PTPRA: variants seen among roughly 807,000 people sequenced by gnomAD.
PTPRA encodes receptor-type tyrosine-protein phosphatase alpha.
A neutral mutation model predicts 104.8 loss-of-function variants in PTPRA; 25 were observed. The observed-to-expected ratio is 0.24, with a 90% confidence interval of 0.17 to 0.33. The LOEUF is 0.33. PTPRA is among the 10% of genes least tolerant of loss of function. PTPRA has a pLI of 1.00. For synonymous variants in PTPRA, 323 were observed against 368.9 expected, an observed-to-expected ratio of 0.88 and a Z score of 1.43; for missense variants, 765 against 1,015.3, an observed-to-expected ratio of 0.75 and a Z score of 3.35.
At chr20:2,960,217 C>G (rs2061697348) in intron 3 of PTPRA, among the ~76,000 whole-genome samples, 1 of 151,848 alleles carries the variant, frequency 6.6e-6, no homozygotes, top group Admixed American at 6.6e-5. Context: ...CTGCTTACTC[C>G]TCTCTCCCTT....
intron 13 of PTPRA, among the ~76,000 whole-genome samples, chr20:3,018,578 T>A (rs1178019): frequency 0.64 from 96,229 of 150,782 alleles, 32,817 homozygotes; most frequent in East Asian, 0.88. Context: ...AGGCAGAAGA[T>A]TTTTTCTTAG....
At chr20:2,992,940 C>T (rs777343120) in intron 9 of PTPRA, among the ~76,000 whole-genome samples, 13 of 152,204 alleles carry the variant, frequency 8.5e-5, no homozygotes, top group Non-Finnish European at 1.3e-4. Context: ...AAAAAATTAG[C>T]TGGGCATGGT....
At position 2,935,828 on chromosome 20, in the gene PTPRA, G is replaced by A. The variant is rs527262295; in HGVS notation, c.-49-12154G>A. On this transcript the variant is annotated intron_variant, in intron 2 of 23. Transcript: ENST00000399903. ...TCAGGAGTTTGACACTAGCCTGACT[G>A]CCATGGTAAAACCCCATCTCTACTA... 3.6e-3 allele frequency among the ~76,000 whole-genome samples: 544 copies of A among 152,214 alleles called. 4 individuals carry two copies. The highest frequency in any genetic ancestry group is 4.4e-3 in the Non-Finnish European group (296 of 68,000).
chr20:3,036,831 A>G (rs1475920708), intron 22 of PTPRA, among the ~76,000 whole-genome samples: 2 of 152,198 alleles, frequency 1.3e-5, no homozygotes, highest in Non-Finnish European at 1.5e-5. Flanking sequence ...GACTAGAGCT[A>G]GTTCTAACTG....
rs528265491 is a variant in PTPRA at position 3,013,703 on chromosome 20, G to A, written c.907-2146G>A. On this transcript the variant is annotated intron_variant, in intron 11 of 23. Coordinates refer to ENST00000399903, the MANE Select transcript of PTPRA (RefSeq NM_001385305.1). ...TGGGATTAGAGGCATGAGCCACCGC[G>A]CCCAGCCTAGAATATATAGGATCTT... Among the ~76,000 whole-genome samples, 251 of 152,118 alleles carry A rather than the reference G, an allele frequency of 1.7e-3. 1 individual carries two copies. The highest frequency in any genetic ancestry group is 5.6e-3 in the African/African-American group (231 of 41,490).
intron 2 of PTPRA, among the ~76,000 whole-genome samples, chr20:2,923,594 T>C (rs540914726): frequency 1.3e-5 from 2 of 149,756 alleles, no homozygotes; most frequent in Admixed American, 6.7e-5. Context: ...AGGTCAGGAG[T>C]TCAAGACCAG....
Position 2,912,565 on chromosome 20 carries a change from AG to A in PTPRA, c.-128-10641del, listed in dbSNP as rs1211759624. Among the ~76,000 whole-genome samples the A allele has an allele frequency of 1.1e-4, 17 of 152,200 alleles. 1 individual carries two copies. The East Asian group carries it at 3.3e-3, about 30-fold the overall frequency. ...CTTAAGTCCAGGAGGTGGAGGTTGAAGTGAGCTGAGATCGCACCTCTGCACT... is the reference window on the plus strand; with the variant it reads ...CTTAAGTCCAGGAGGTGGAGGTTGAATGAGCTGAGATCGCACCTCTGCACT... On this transcript the variant is annotated intron_variant, in intron 1 of 23. Coordinates refer to ENST00000399903, the MANE Select transcript of PTPRA (RefSeq NM_001385305.1).
At chr20:3,029,390 C>G (rs2065309471) in intron 20 of PTPRA, among the ~76,000 whole-genome samples, 1 of 151,968 alleles carries the variant, frequency 6.6e-6, no homozygotes, top group Admixed American at 6.6e-5. Flanking sequence ...ATCCACCCAC[C>G]TGGTTGACCC....
intron 1 of PTPRA, among the ~76,000 whole-genome samples, chr20:2,907,235 A>G (rs766553219): frequency 2.0e-5 from 3 of 152,066 alleles, no homozygotes; most frequent in African/African-American, 4.8e-5. Flanking sequence ...TCTCAAAGCC[A>G]TTTATTGTTT....
At chr20:2,883,651 C>CAAAAA (rs71195803) in intron 1 of PTPRA, among the ~76,000 whole-genome samples, 3 of 3,244 alleles carry the variant, frequency 9.2e-4, no homozygotes, top group Non-Finnish European at 1.4e-3. Flanking sequence ...GACTCCGTCT[C>CAAAAA]AAAAAAAAAA....
chr20:2,879,651 A>G (rs2089940637), intron 1 of PTPRA, among the ~76,000 whole-genome samples: 1 of 152,170 alleles, frequency 6.6e-6, no homozygotes, highest in South Asian at 2.1e-4. Flanking sequence ...CGATGTTTCC[A>G]TCAAGGAGAG....
intron 1 of PTPRA, among the ~76,000 whole-genome samples, chr20:2,904,290 T>G (rs549183308): frequency 6.4e-4 from 97 of 152,164 alleles, no homozygotes; most frequent in African/African-American, 2.2e-3. Flanking sequence ...GATGCACAAA[T>G]AGAGAAGAGA....
intron 5 of PTPRA, among the ~76,000 whole-genome samples, chr20:2,967,672 G>A (rs1281137718): frequency 1.3e-5 from 2 of 152,022 alleles, no homozygotes; most frequent in South Asian, 2.1e-4. Context: ...ACCAGCCTGG[G>A]GAACATGGTG....
At chr20:2,896,981 G>C (rs1283091018) in intron 1 of PTPRA, among the ~76,000 whole-genome samples, 1 of 152,148 alleles carries the variant, frequency 6.6e-6, no homozygotes, top group East Asian at 1.9e-4. Context: ...CCCACAATTT[G>C]GGTTAGTCTG....
At chr20:3,016,889 G>A (rs1401605410) in intron 12 of PTPRA, among the ~76,000 whole-genome samples, 1 of 152,110 alleles carries the variant, frequency 6.6e-6, no homozygotes, top group African/African-American at 2.4e-5. Flanking sequence ...CCCTTACAGA[G>A]CACCTCCCCC....
At chr20:3,006,422 T>G (rs2063874950) in intron 10 of PTPRA, among the ~76,000 whole-genome samples, 2 of 152,152 alleles carry the variant, frequency 1.3e-5, no homozygotes, top group Admixed American at 6.5e-5. Context: ...CAAGCAGTCC[T>G]CCCACTTTGA....
intron 1 of PTPRA, among the ~76,000 whole-genome samples, chr20:2,895,754 TC>T: frequency 6.6e-6 from 1 of 152,106 alleles, no homozygotes; most frequent in South Asian, 2.1e-4. Context: ...GTTCTCGAAC[TC>T]CTGCCTCAAG....
At chr20:2,990,915 A>G (rs1200690819) in intron 9 of PTPRA, among the ~76,000 whole-genome samples, 1 of 152,100 alleles carries the variant, frequency 6.6e-6, no homozygotes, top group Admixed American at 6.5e-5. Context: ...ATAACTAACT[A>G]CAATATAGAG....
Position 2,965,097 on chromosome 20 carries a change from A to G in PTPRA, c.310A>G (p.Asn104Asp), listed in dbSNP as rs748864107. 11 of 1,613,980 alleles carry G rather than the reference A, an allele frequency of 6.8e-6. No individual in the cohort carries two copies. Among genetic ancestry groups the G allele is most frequent in the Non-Finnish European group, 9.3e-6 (11 of 1,179,978 alleles). ...TTCTATAGGCATTACAATTTCACCA[A>G]ATGGAACGTGGCTTCCAGATAACCA... is the stretch of plus-strand genomic sequence containing the variant. ...TNSIGITISP[N>D]GTWLPDNQFT... Residue 104 changes from asparagine to aspartate, a missense_variant, in exon 5 of 24, where the codon AAT becomes GAT. This residue lies in a region of PTPRA where 256 missense variants were observed against 248.9 expected (regional missense o/e 1.03). Transcript: ENST00000399903.
Sources: allele counts gnomAD v4.1 joint callset (sites outside exome capture counted in the v4.1 genomes callset), GRCh38; gene constraint gnomAD v4.1.1; regional missense constraint gnomAD v4.1.1; transcripts MANE v1.5; gene names NCBI Gene and HGNC (gene_info 2026-07-23, HGNC 2026-07-21).